OR10R2: variants seen among roughly 807,000 people sequenced by gnomAD.
OR10R2 encodes the protein olfactory receptor 10R2.
A neutral mutation model predicts 2.4 loss-of-function variants in OR10R2; 1 was observed. The observed-to-expected ratio is 0.41, with a 90% CI of 0.15 to 1.95. The LOEUF (loss-of-function observed/expected upper bound fraction) is 1.95, where lower values mean the gene tolerates loss of function less well. OR10R2 is among the 30% of genes most tolerant of loss of function. OR10R2 has a pLI of 0.30. For synonymous variants in OR10R2, 166 were observed against 144.8 expected (o/e 1.15, Z -1.05); for missense variants, 419 against 373.0 (o/e 1.12, Z -1.01).
chr1:158,474,154 A>T (rs1323430408), intron 1 of OR10R2, among the ~76,000 whole-genome samples: 2 of 151,888 alleles, frequency 1.3e-5, no homozygotes, highest in African/African-American at 2.4e-5. Context: ...GCCACTTCTG[A>T]GTTGAACTGT....
exon 2 of OR10R2, chr1:158,480,286 G>A: frequency 6.2e-7 from 1 of 1,614,122 alleles, no homozygotes; most frequent in Non-Finnish European, 8.5e-7. Flanking sequence ...GCTATTGGGT[G>A]TGATGGGTTA....
intron 1 of OR10R2, among the ~76,000 whole-genome samples, chr1:158,473,278 CTT>C (rs1364699898): frequency 6.6e-6 from 1 of 152,114 alleles, no homozygotes; most frequent in Non-Finnish European, 1.5e-5. Flanking sequence ...GATACGGAAA[CTT>C]TTGTCAAATG....
At chr1:158,478,364 G>T (rs1656310918) in intron 1 of OR10R2, among the ~76,000 whole-genome samples, 1 of 152,080 alleles carries the variant, frequency 6.6e-6, no homozygotes, top group Admixed American at 6.6e-5. Flanking sequence ...AGAGAGAAGA[G>T]ATTCTTATTT....
chr1:158,476,356 G>A (rs1032633950), intron 1 of OR10R2, among the ~76,000 whole-genome samples: 1 of 151,846 alleles, frequency 6.6e-6, no homozygotes, highest in East Asian at 1.9e-4. Context: ...GATCATCCTG[G>A]CTAAGGCGGT....
At chr1:158,477,930 A>G (rs1414932948) in intron 1 of OR10R2, among the ~76,000 whole-genome samples, 1 of 152,198 alleles carries the variant, frequency 6.6e-6, no homozygotes, top group African/African-American at 2.4e-5. Context: ...AGTAACCCAA[A>G]CAGCATGGTT....
exon 2 of OR10R2, chr1:158,480,906 T>A (rs1164276540): frequency 8.9e-7 from 1 of 1,117,576 alleles, no homozygotes; most frequent in East Asian, 2.6e-5. Flanking sequence ...CATTTTAGAT[T>A]TCTTAATAAA....
At chr1:158,476,571 A>C (rs960149060) in intron 1 of OR10R2, among the ~76,000 whole-genome samples, 7 of 151,050 alleles carry the variant, frequency 4.6e-5, no homozygotes, top group Non-Finnish European at 8.8e-5. Flanking sequence ...AAAAGGAAAA[A>C]AATTAAAATA....
At chr1:158,479,775 G>T in intron 1 of OR10R2, 163 bp from the exon 2 acceptor site, 1 of 680,734 alleles carries the variant, frequency 1.5e-6, no homozygotes, top group South Asian at 1.9e-5. Flanking sequence ...GATGGAAGAA[G>T]AGGACCATGA....
Position 158,479,341 on chromosome 1 carries a change from C to T in OR10R2, c.28-597C>T, listed in dbSNP as rs188605443. ...AGAATTGCTCTTTATTTTATTACATCTTTAAACTCATGAACATGGGTGTTC... is the reference window on the plus strand; with the variant it reads ...AGAATTGCTCTTTATTTTATTACATTTTTAAACTCATGAACATGGGTGTTC... On this transcript the variant is annotated intron_variant, in intron 1 of 1. Transcript: ENST00000641067. 4.1e-4 allele frequency among the ~76,000 whole-genome samples: 63 copies of T among 152,254 alleles called. 1 individual carries two copies. The East Asian group carries it at 8.3e-3, about 20-fold the overall frequency.
intron 1 of OR10R2, among the ~76,000 whole-genome samples, chr1:158,477,098 C>T (rs1557875988): frequency 6.6e-6 from 1 of 152,120 alleles, no homozygotes; most frequent in Non-Finnish European, 1.5e-5. Flanking sequence ...TTCATATGAT[C>T]ATCTCAATAG....
chr1:158,478,843 A>T (rs1656322445), intron 1 of OR10R2, among the ~76,000 whole-genome samples: 1 of 152,160 alleles, frequency 6.6e-6, no homozygotes, highest in South Asian at 2.1e-4. Context: ...GAATGTCTAC[A>T]TTATTGCTGT....
intron 1 of OR10R2, among the ~76,000 whole-genome samples, chr1:158,476,925 T>A (rs1275419658): frequency 6.6e-6 from 1 of 152,100 alleles, no homozygotes; most frequent in Non-Finnish European, 1.5e-5. Context: ...TAAAATGGGG[T>A]TTATTGTTTT....
At chr1:158,480,922 C>T in exon 2 of OR10R2, 3 of 947,928 alleles carry the variant, frequency 3.2e-6, no homozygotes, top group Non-Finnish European at 4.6e-6. Flanking sequence ...ATAAATAATG[C>T]CTTTTTATCA....
chr1:158,480,538 A>C (rs747921501), exon 2 of OR10R2: 7 of 1,613,626 alleles, frequency 4.3e-6, no homozygotes. Context: ...TGTGATATTC[A>C]TTTGTGGAGT....
At chr1:158,479,943 G>T in exon 2 of OR10R2, 1 of 1,613,962 alleles carries the variant, frequency 6.2e-7, no homozygotes. Flanking sequence ...TGCAGATCTT[G>T]GCAGAAAACC....
chr1:158,480,483 A>C lies in OR10R2; in HGVS notation c.573A>C (p.Ser191=), dbSNP rs753174113. ...TCAATCATTACTTCTGTGACATCTCAGCAGTCATTCTTCTGGCTTGTACCA... is the reference window on the plus strand; with the variant it reads ...TCAATCATTACTTCTGTGACATCTCCGCAGTCATTCTTCTGGCTTGTACCA... Residue 191 remains serine (S), a synonymous_variant, in exon 2 of 2, where the codon TCA becomes TCC. Transcript: ENST00000641067. 2.5e-6 allele frequency: 4 copies of C among 1,613,366 alleles called. No homozygotes were observed. In the African/African-American group the frequency reaches 5.3e-5, roughly 22 times the overall value.
At chr1:158,479,816 G>C (rs143074759) in intron 1 of OR10R2, 122 bp from the exon 2 acceptor site, 3 of 1,006,216 alleles carry the variant, frequency 3.0e-6, no homozygotes, top group Non-Finnish European at 4.5e-6. Flanking sequence ...GTTAGGAACC[G>C]GAAAAGGTGA....
chr1:158,473,235 G>T (rs958518033), intron 1 of OR10R2, among the ~76,000 whole-genome samples: 1 of 152,138 alleles, frequency 6.6e-6, no homozygotes, highest in African/African-American at 2.4e-5. Context: ...ATGCTGATGT[G>T]GTTAGAGAGA....
exon 2 of OR10R2, chr1:158,480,464 A>G (rs1004508500): frequency 6.2e-7 from 1 of 1,613,794 alleles, no homozygotes; most frequent in Non-Finnish European, 8.5e-7. Flanking sequence ...AAAGTCAATC[A>G]TTACTTCTGT....
Sources: gnomAD v4.1 joint callset for allele counts (sites outside exome capture counted in the v4.1 genomes callset) on GRCh38, gnomAD v4.1.1 for gene constraint, MANE v1.5 for transcripts, NCBI Gene and HGNC (gene_info 2026-07-23, HGNC 2026-07-21) for gene names.